ITPR1: variants seen among roughly 807,000 people sequenced by gnomAD.
The protein encoded by ITPR1 is inositol 1,4,5-trisphosphate-gated calcium channel ITPR1.
In ITPR1, 96 loss-of-function variants were observed where a neutral mutation model predicts 318.4. The observed-to-expected ratio is 0.30, with a 90% CI of 0.26 to 0.36. The LOEUF (loss-of-function observed/expected upper bound fraction) is 0.36. ITPR1 is among the 10% of genes least tolerant of loss of function. The probability of loss-of-function intolerance (pLI) is 1.00; values close to 1 mark genes in which losing one functional copy is unlikely to be tolerated. For missense variants in ITPR1, 2,440 were observed against 3,460.2 expected, an observed-to-expected ratio of 0.71 and a Z score of 7.40; for synonymous variants, 1,312 against 1,289.9, an observed-to-expected ratio of 1.02 and a Z score of -0.37.
chr3:4,505,130 A>C (rs372517235), intron 2 of ITPR1, among the ~76,000 whole-genome samples: 1 of 152,074 alleles, frequency 6.6e-6, no homozygotes, highest in African/African-American at 2.4e-5. Context: ...TTGGCTTGCC[A>C]GGTGCTTTGA....
chr3:4,650,789 C>T (rs2093580862), intron 10 of ITPR1, among the ~76,000 whole-genome samples: 1 of 152,162 alleles, frequency 6.6e-6, no homozygotes, highest in South Asian at 2.1e-4. Context: ...CCCACGCAGA[C>T]ATGTGCTGGG....
chr3:4,610,842 TCTTTCC>T (rs962925985), intron 4 of ITPR1, among the ~76,000 whole-genome samples: 3 of 149,292 alleles, frequency 2.0e-5, no homozygotes, highest in Non-Finnish European at 4.4e-5. Context: ...CTTCCCTTTC[TCTTTCC>T]CTTTCCTGTT....
chr3:4,501,557 T>G (rs1317783443), intron 2 of ITPR1, among the ~76,000 whole-genome samples: 1 of 152,242 alleles, frequency 6.6e-6, no homozygotes, highest in South Asian at 2.1e-4. Flanking sequence ...TTTTCAGTCC[T>G]TGTCATTTAG....
intron 10 of ITPR1, among the ~76,000 whole-genome samples, chr3:4,649,377 A>G (rs1575896667): frequency 6.6e-6 from 1 of 152,308 alleles, no homozygotes; most frequent in Non-Finnish European, 1.5e-5. Context: ...GTGCCCCTCA[A>G]AATAAAAGAG....
intron 4 of ITPR1, among the ~76,000 whole-genome samples, chr3:4,532,974 C>T (rs1171835664): frequency 6.6e-6 from 1 of 152,212 alleles, no homozygotes; most frequent in Non-Finnish European, 1.5e-5. Context: ...AATTTCTGCT[C>T]TGGGACAGAG....
At chr3:4,497,955 C>T (rs2080725391) in intron 2 of ITPR1, among the ~76,000 whole-genome samples, 1 of 152,128 alleles carries the variant, frequency 6.6e-6, no homozygotes, top group Non-Finnish European at 1.5e-5. Flanking sequence ...TAAAAGGACA[C>T]ATATTTTATG....
intron 52 of ITPR1, among the ~76,000 whole-genome samples, chr3:4,790,903 C>T (rs1440836928): frequency 6.6e-6 from 1 of 152,228 alleles, no homozygotes; most frequent in African/African-American, 2.4e-5. Flanking sequence ...CTCACCATCC[C>T]TCCCTGATAT....
At chr3:4,771,609 C>A (rs148381051) in intron 46 of ITPR1, among the ~76,000 whole-genome samples, 116 of 152,314 alleles carry the variant, frequency 7.6e-4, no homozygotes, top group African/African-American at 2.7e-3. Context: ...TCCGTTGAAT[C>A]AATGCCCTGG....
At chr3:4,725,909 A>G (rs7611336) in intron 41 of ITPR1, among the ~76,000 whole-genome samples, 100,512 of 152,098 alleles carry the variant, frequency 0.66, 35,649 homozygotes, top group Non-Finnish European at 0.82. Context: ...GTTATACAAA[A>G]TTGACTTTGG....
chr3:4,573,215 A>G (rs768942418), intron 4 of ITPR1, among the ~76,000 whole-genome samples: 15 of 152,184 alleles, frequency 9.9e-5, no homozygotes, highest in Admixed American at 3.3e-4. Context: ...ACAGTGTACA[A>G]GGGTTCTAAT....
chr3:4,501,624 T>G (rs1462794087), intron 2 of ITPR1, among the ~76,000 whole-genome samples: 1 of 152,252 alleles, frequency 6.6e-6, no homozygotes, highest in Non-Finnish European at 1.5e-5. Context: ...AGCTGACCTT[T>G]GTACTTTTCC....
chr3:4,695,179 G>A (rs1037731244), intron 33 of ITPR1, among the ~76,000 whole-genome samples: 1 of 152,302 alleles, frequency 6.6e-6, no homozygotes, highest in East Asian at 1.9e-4. Context: ...ATTAATTGCT[G>A]TAATAAGAAA....
chr3:4,708,247 T>C (rs76886023), intron 37 of ITPR1, among the ~76,000 whole-genome samples: 1 of 152,034 alleles, frequency 6.6e-6, no homozygotes, highest in Non-Finnish European at 1.5e-5. Context: ...AGATTATTCC[T>C]TTTTTTTCTT....
Position 4,652,234 on chromosome 3 carries a change from T to G in ITPR1, c.951+16T>G. ...GGCAGCAGAGGTAAGTAGCAGCTCC[T>G]GTGGTTTTCTCTTTCAAGGCTGACG... is the stretch of plus-strand genomic sequence containing the variant. On this transcript the variant is annotated intron_variant, in intron 11 of 61. Coordinates refer to ENST00000649015, the MANE Select transcript of ITPR1 (RefSeq NM_001378452.1). The G allele has an allele frequency of 6.3e-7, 1 of 1,589,158 alleles. No homozygotes were observed. Among genetic ancestry groups the G allele is most frequent in the Non-Finnish European group, 8.6e-7 (1 of 1,161,966 alleles).
At chr3:4,558,628 TAGC>T (rs1410871567) in intron 4 of ITPR1, among the ~76,000 whole-genome samples, 2 of 152,072 alleles carry the variant, frequency 1.3e-5, no homozygotes, top group Non-Finnish European at 2.9e-5. Context: ...GGCAAGGAAA[TAGC>T]AGTTTAATCT....
intron 5 of ITPR1, among the ~76,000 whole-genome samples, chr3:4,633,925 G>A (rs2093096373): frequency 6.6e-6 from 1 of 152,198 alleles, no homozygotes; most frequent in African/African-American, 2.4e-5. Flanking sequence ...TTCAGAGCTT[G>A]TTGACTTTAA....
intron 31 of ITPR1, among the ~76,000 whole-genome samples, chr3:4,690,406 T>A (rs185738424): frequency 5.9e-5 from 9 of 152,222 alleles, no homozygotes; most frequent in African/African-American, 2.2e-4. Flanking sequence ...AAATGCAAAT[T>A]AAGTTATGTT....
At chr3:4,561,111 T>C (rs1209502565) in intron 4 of ITPR1, among the ~76,000 whole-genome samples, 1 of 152,194 alleles carries the variant, frequency 6.6e-6, no homozygotes, top group Non-Finnish European at 1.5e-5. Context: ...TGGCTAGCTG[T>C]GATTTGCTAA....
intron 18 of ITPR1, among the ~76,000 whole-genome samples, chr3:4,667,901 T>G (rs796349164): frequency 5.3e-5 from 8 of 152,324 alleles, no homozygotes; most frequent in East Asian, 1.9e-4. Flanking sequence ...ACTCATTCAC[T>G]TTTTAAAAAA....
Sources: allele counts gnomAD v4.1 joint callset (sites outside exome capture counted in the v4.1 genomes callset), GRCh38; gene constraint gnomAD v4.1.1; transcripts MANE v1.5; gene names NCBI Gene and HGNC (gene_info 2026-07-23, HGNC 2026-07-21).